Variants in SDK1 observed in about 807,000 individuals in gnomAD.
SDK1 encodes protein sidekick-1.
In SDK1, 157 loss-of-function variants were observed where a neutral mutation model predicts 245.5. The ratio of observed to expected loss-of-function variants is 0.64; its 90% CI spans 0.56 to 0.73. The LOEUF is 0.73. Ranked by LOEUF, SDK1 falls within the 30% of genes least tolerant of loss-of-function variation. The pLI is 0.00. For missense variants in SDK1, 3,583 were observed against 3,002.3 expected, an observed-to-expected ratio of 1.19 and a Z score of -4.52; for synonymous variants, 1,647 against 1,278.5, an observed-to-expected ratio of 1.29 and a Z score of -6.15.
intron 1 of SDK1, among the ~76,000 whole-genome samples, chr7:3,315,694 A>G (rs1280789913): frequency 1.3e-5 from 2 of 152,172 alleles, no homozygotes; most frequent in Non-Finnish European, 2.9e-5. Flanking sequence ...TTCAGCATTT[A>G]TAACTTTTTA....
At chr7:3,306,730 C>G (rs567605832) in intron 1 of SDK1, among the ~76,000 whole-genome samples, 3 of 152,158 alleles carry the variant, frequency 2.0e-5, no homozygotes, top group Admixed American at 6.5e-5. Context: ...TTATTTCCAT[C>G]CTCAGAGCCC....
At chr7:3,633,311 G>A (rs1298507751) in intron 2 of SDK1, among the ~76,000 whole-genome samples, 1 of 152,038 alleles carries the variant, frequency 6.6e-6, no homozygotes, top group Non-Finnish European at 1.5e-5. Context: ...TTTTTCTTAT[G>A]AATCAAATTA....
rs1368608178 is a variant in SDK1, at chr7:3,761,804, C to CA, written c.714-59641dup. ...GCTGAGGTTAAATACAAACTGACAA[C>CA]AAAAATCATAAGAATAATATGTAAA... On this transcript the variant is annotated intron_variant, in intron 4 of 44. Transcript: ENST00000404826. Among the ~76,000 whole-genome samples the CA allele has an allele frequency of 1.7e-4, 26 of 152,056 alleles. No individual in the cohort carries two copies. The East Asian group carries it at 4.8e-3, about 28-fold the overall frequency.
chr7:3,985,895 A>T (rs1783791663), intron 13 of SDK1, among the ~76,000 whole-genome samples: 1 of 152,178 alleles, frequency 6.6e-6, no homozygotes, highest in Non-Finnish European at 1.5e-5. Flanking sequence ...ATCAAGTATA[A>T]TTATGGCTTT....
chr7:3,462,811 C>G (rs753540725), intron 1 of SDK1, among the ~76,000 whole-genome samples: 1 of 152,180 alleles, frequency 6.6e-6, no homozygotes, highest in Non-Finnish European at 1.5e-5. Context: ...TAGATGTAGT[C>G]TCATCCATTG....
intron 2 of SDK1, among the ~76,000 whole-genome samples, chr7:3,632,109 A>G (rs984039513): frequency 9.2e-5 from 14 of 152,216 alleles, no homozygotes; most frequent in African/African-American, 3.4e-4. Context: ...TTTATCCCTA[A>G]GAAAAGGCAA....
intron 1 of SDK1, among the ~76,000 whole-genome samples, chr7:3,455,867 G>A (rs541380085): frequency 3.9e-5 from 6 of 152,306 alleles, no homozygotes; most frequent in South Asian, 4.1e-4. Flanking sequence ...TCAATTTGGC[G>A]AGGAGTTGAC....
chr7:3,952,025 C>G (rs1780872752), intron 7 of SDK1, 105 bp downstream of exon 7: 1 of 1,057,310 alleles, frequency 9.5e-7, no homozygotes, highest in Non-Finnish European at 1.4e-6. Flanking sequence ...TTATTTGTAA[C>G]TCGGCAAATG....
At chr7:3,891,345 C>T (rs115033115) in intron 5 of SDK1, among the ~76,000 whole-genome samples, 2,414 of 152,312 alleles carry the variant, frequency 0.016, 74 homozygotes, top group African/African-American at 0.055. Flanking sequence ...TTCTGTCATC[C>T]TCCATGGCTA....
chr7:3,559,342 C>T (rs937827134), intron 1 of SDK1, among the ~76,000 whole-genome samples: 12 of 151,958 alleles, frequency 7.9e-5, no homozygotes, highest in African/African-American at 1.9e-4. Context: ...AAGTATTGTC[C>T]GCGGTTATGC....
At chr7:3,325,431 A>G (rs1026551944) in intron 1 of SDK1, among the ~76,000 whole-genome samples, 1 of 152,184 alleles carries the variant, frequency 6.6e-6, no homozygotes, top group Non-Finnish European at 1.5e-5. Flanking sequence ...TATTCAACGA[A>G]TACCAATTTA....
intron 31 of SDK1, among the ~76,000 whole-genome samples, chr7:4,160,355 A>C (rs1338414685): frequency 4.6e-5 from 7 of 152,336 alleles, no homozygotes; most frequent in Non-Finnish European, 7.3e-5. Flanking sequence ...CCAGGGCAGC[A>C]TCCAAAAGGA....
intron 1 of SDK1, among the ~76,000 whole-genome samples, chr7:3,460,099 C>T (rs774728193): frequency 6.6e-6 from 1 of 152,106 alleles, no homozygotes; most frequent in Non-Finnish European, 1.5e-5. Flanking sequence ...TAATAAATGA[C>T]ATTATTATTT....
chr7:4,027,913 C>A (rs1307966317), intron 17 of SDK1, among the ~76,000 whole-genome samples: 1 of 150,240 alleles, frequency 6.7e-6, no homozygotes, highest in African/African-American at 2.5e-5. Context: ...TTCTATCAAC[C>A]AATTAATTAG....
intron 5 of SDK1, among the ~76,000 whole-genome samples, chr7:3,910,363 T>A (rs145937148): frequency 6.6e-6 from 1 of 152,208 alleles, no homozygotes; most frequent in Non-Finnish European, 1.5e-5. Context: ...GTACAAAGAC[T>A]CTCTGTGTTG....
chr7:3,723,726 GTACATA>G lies in SDK1; in HGVS notation c.713+81632_713+81637del, dbSNP rs762011557. Among the ~76,000 whole-genome samples, 154 of 150,098 alleles carry G rather than the reference GTACATA, an allele frequency of 1.0e-3. 1 individual carries two copies. Among genetic ancestry groups the G allele is most frequent in the South Asian group, 1.7e-3 (8 of 4,740 alleles). On this transcript the variant is annotated intron_variant, in intron 4 of 44. Transcript: ENST00000404826. The stretch of plus-strand genomic sequence containing the variant: ...TATACATATACACGTGTATATACAC[GTACATA>G]TACATATACACGTGTATATACACGT...
rs183728871 is a variant in SDK1, at chr7:3,400,637, G to A, written c.298+98753G>A. Among the ~76,000 whole-genome samples the A allele has an allele frequency of 4.1e-3, 629 of 152,236 alleles. 8 individuals carry two copies. Among genetic ancestry groups the A allele is most frequent in the South Asian group, 0.018 (88 of 4,828 alleles). On this transcript the variant is annotated intron_variant, in intron 1 of 44. Transcript: ENST00000404826. Reference sequence around the variant, plus strand: ...ATTCTGGATAGTGGTTACCTCAGATGGTGGCAGACCAAAGGATGGGAGTGG... The same window carrying A: ...ATTCTGGATAGTGGTTACCTCAGATAGTGGCAGACCAAAGGATGGGAGTGG...
rs192897094 is a variant in SDK1 at position 3,530,591 on chromosome 7, C to T, written c.299-88489C>T. Among the ~76,000 whole-genome samples the T allele has an allele frequency of 2.6e-5, 4 of 152,242 alleles. No individual in the cohort carries two copies. In the East Asian group the frequency reaches 7.7e-4, roughly 29 times the overall value. On this transcript the variant is annotated intron_variant, in intron 1 of 44. Transcript: ENST00000404826. ...AATGAACAACAGAAGGAGTAAATAG[C>T]ATTTCTGTTGTTTATTTGTGATAAC...
chr7:3,565,195 T>C (rs543764905), intron 1 of SDK1, among the ~76,000 whole-genome samples: 1 of 152,240 alleles, frequency 6.6e-6, no homozygotes, highest in East Asian at 1.9e-4. Context: ...TCTTGCTTTC[T>C]TCCATCCGCT....
Sources: gnomAD v4.1 joint callset for allele counts (sites outside exome capture counted in the v4.1 genomes callset) on GRCh38, gnomAD v4.1.1 for gene constraint, MANE v1.5 for transcripts, NCBI Gene and HGNC (gene_info 2026-07-23, HGNC 2026-07-21) for gene names.